The following VIPR2 variants were observed in gnomAD, a reference collection of about 807,000 sequenced individuals.
VIPR2 encodes the protein vasoactive intestinal peptide receptor 2.
VIPR2 carries 48 observed loss-of-function variants against 58.0 expected under a neutral mutation model. That is an observed-to-expected ratio of 0.83 (90% confidence interval 0.66 to 1.05). The LOEUF is 1.05. Ranked by LOEUF, VIPR2 falls within the 50% of genes least tolerant of loss-of-function variation. VIPR2 has a pLI of 0.00. For missense variants in VIPR2, 534 were observed against 558.0 expected (o/e 0.96, Z 0.43); for synonymous variants, 243 against 235.2 (o/e 1.03, Z -0.30).
rs1332386807 is a variant in VIPR2 at position 159,090,530 on chromosome 7, C to G, written c.357+13227G>C. Among the ~76,000 whole-genome samples the G allele has an allele frequency of 2.7e-4, 26 of 96,950 alleles. 1 individual carries two copies. Among genetic ancestry groups the G allele is most frequent in the Admixed American group, 1.9e-3 (20 of 10,402 alleles). 63.6% of individuals were successfully genotyped at this position (96,950 alleles called of 152,430 possible). On this transcript the variant is annotated intron_variant, in intron 4 of 12. Transcript: ENST00000262178. ...CGACCATTGCAATCCCCGGTGACCT[C>G]AGCACAGACACGCTGGGACCACGCA...
intron 4 of VIPR2, among the ~76,000 whole-genome samples, chr7:159,086,773 G>A (rs150538454): frequency 1.3e-5 from 2 of 152,310 alleles, no homozygotes; most frequent in East Asian, 1.9e-4. Context: ...TTCCCACCCC[G>A]TAGGATGGCA....
rs1796755224 is a variant in VIPR2, at chr7:159,128,840, C to T, written c.151+13606G>A. 1.3e-5 allele frequency among the ~76,000 whole-genome samples: 2 copies of T among 152,212 alleles called. No individual in the cohort carries two copies. The highest frequency in any genetic ancestry group is 2.4e-5 in the African/African-American group (1 of 41,450). ...GTTGGGCACGCTAACTGCTCTTCTC[C>T]CTCAACTGCTCCCTCCTTCCCTCCC... On this transcript the variant is annotated intron_variant, in intron 2 of 12. Transcript: ENST00000262178. This position sits in a 1 kb window ranked among gnomAD's most constrained non-coding sequence, Gnocchi z 4.1.
intron 2 of VIPR2, among the ~76,000 whole-genome samples, chr7:159,132,778 TGATTGGCATACAGACTGATTTC>T (rs1796984598): frequency 7.0e-6 from 1 of 142,610 alleles, no homozygotes; most frequent in African/African-American, 2.5e-5. Flanking sequence ...TCAGACAGAA[TGATTGGCATACAGACTGATTTC>T]AGACAGAATG....
intron 2 of VIPR2, among the ~76,000 whole-genome samples, chr7:159,112,920 C>T (rs1192550046): frequency 6.6e-6 from 1 of 151,598 alleles, no homozygotes; most frequent in East Asian, 2.0e-4. Flanking sequence ...AGGCTCATGG[C>T]GCCTTCCTGG....
intron 3 of VIPR2, 50 bp from the exon 4 acceptor site, chr7:159,103,904 C>T (rs1160358967): frequency 5.9e-6 from 9 of 1,519,548 alleles, no homozygotes; most frequent in Non-Finnish European, 8.2e-6. Flanking sequence ...GAAAACTGGC[C>T]TTAGAAGGGA....
Position 159,054,982 on chromosome 7 carries a change from C to G in VIPR2, c.455+3499G>C, listed in dbSNP as rs576023893. On this transcript the variant is annotated intron_variant, in intron 5 of 12. Transcript: ENST00000262178. ...AATGTGTGTACATATACACACATACCTAAAGTAACATGTGCATCTGTGCAT... is the reference window on the plus strand; with the variant it reads ...AATGTGTGTACATATACACACATACGTAAAGTAACATGTGCATCTGTGCAT... 1.2e-3 allele frequency among the ~76,000 whole-genome samples: 177 copies of G among 152,174 alleles called. 3 individuals are homozygous for G. The highest frequency in any genetic ancestry group is 0.011 in the Admixed American group (175 of 15,294).
intron 3 of VIPR2, among the ~76,000 whole-genome samples, chr7:159,104,166 T>G (rs1188883560): frequency 6.6e-6 from 1 of 152,212 alleles, no homozygotes. Context: ...TCTTAGGTTC[T>G]GCCACCATAA....
chr7:159,061,652 CA>C (rs35646553), intron 4 of VIPR2, among the ~76,000 whole-genome samples: 10 of 143,278 alleles, frequency 7.0e-5, no homozygotes, highest in African/African-American at 1.0e-4. Flanking sequence ...GGACCTGTCG[CA>C]AAAAAAAAAG....
chr7:159,066,425 C>T (rs1856097774), intron 4 of VIPR2, among the ~76,000 whole-genome samples: 1 of 152,056 alleles, frequency 6.6e-6, no homozygotes, highest in African/African-American at 2.4e-5. Flanking sequence ...TTCCAGGATG[C>T]CTGATCCTGC....
At chr7:159,101,359 G>A (rs1244942705) in intron 4 of VIPR2, among the ~76,000 whole-genome samples, 3 of 133,316 alleles carry the variant, frequency 2.3e-5, no homozygotes, top group South Asian at 2.7e-4. Context: ...GGTAGTGAAC[G>A]GGTCTCACGA....
At position 159,030,828 on chromosome 7, in the gene VIPR2, G is replaced by A. The variant is rs750158239; in HGVS notation, c.1144-39C>T. ...GCAGCGGGAACGCCCGTGAGCCTGGGCAGGTGCGGGCGGCTGCTATGGGAA... is the reference window on the plus strand; with the variant it reads ...GCAGCGGGAACGCCCGTGAGCCTGGACAGGTGCGGGCGGCTGCTATGGGAA... On this transcript the variant is annotated intron_variant, in intron 12 of 12. Coordinates refer to ENST00000262178, the MANE Select transcript of VIPR2 (RefSeq NM_003382.5). The A allele has an allele frequency of 2.7e-6, 4 of 1,483,864 alleles. No individual in the cohort carries two copies. In the Admixed American group the frequency reaches 6.7e-5, roughly 25 times the overall value. 91.9% of individuals were successfully genotyped at this position (1,483,864 alleles called of 1,614,324 possible).
rs1471891253 is a variant in VIPR2, at chr7:159,128,453, CT to C, written c.151+13992del. On this transcript the variant is annotated intron_variant, in intron 2 of 12. Coordinates refer to ENST00000262178, the MANE Select transcript of VIPR2 (RefSeq NM_003382.5). This position sits in a 1 kb window ranked among gnomAD's most constrained non-coding sequence, Gnocchi z 4.1. Reference sequence around the variant, plus strand: ...TGTGTGTAAAAACCTCTGGGCCCCCCTGGCCACTCCCCTCCTGCCTTGGGCC... The same window carrying C: ...TGTGTGTAAAAACCTCTGGGCCCCCCGGCCACTCCCCTCCTGCCTTGGGCC... 3.9e-5 allele frequency among the ~76,000 whole-genome samples: 6 copies of C among 152,304 alleles called. No homozygotes were observed. In the East Asian group the frequency reaches 5.8e-4, roughly 15 times the overall value.
intron 2 of VIPR2, chr7:159,117,117 G>T: frequency 6.9e-6 from 4 of 575,568 alleles, no homozygotes; most frequent in Non-Finnish European, 6.2e-6. Context: ...AGGAGACCAG[G>T]TTCACAGAGG....
rs910461660 is a variant in VIPR2 at position 159,076,332 on chromosome 7, G to A, written c.358-17754C>T. On this transcript the variant is annotated intron_variant, in intron 4 of 12. Coordinates refer to ENST00000262178, the MANE Select transcript of VIPR2 (RefSeq NM_003382.5). Reference sequence around the variant, plus strand: ...GCTTAGGGGTGCCCTTGAAGACAGAGGATCTTCATCTTTTCAGAGACAGTG... The same window carrying A: ...GCTTAGGGGTGCCCTTGAAGACAGAAGATCTTCATCTTTTCAGAGACAGTG... Among the ~76,000 whole-genome samples, 6 of 152,192 alleles carry A rather than the reference G, an allele frequency of 3.9e-5. No individual in the cohort carries two copies. In the South Asian group the frequency reaches 8.3e-4, roughly 21 times the overall value.
intron 3 of VIPR2, among the ~76,000 whole-genome samples, chr7:159,104,974 G>A (rs1411644163): frequency 4.6e-5 from 7 of 152,090 alleles, no homozygotes; most frequent in African/African-American, 1.7e-4. Context: ...TTGGCCACTG[G>A]TGTTGGAAGA....
chr7:159,103,898 A>G (rs765768649), intron 3 of VIPR2, 44 bp from the exon 4 acceptor site: 6 of 1,565,248 alleles, frequency 3.8e-6, no homozygotes, highest in Non-Finnish European at 5.3e-6. Flanking sequence ...GTCCATGAAA[A>G]CTGGCCTTAG....
intron 4 of VIPR2, among the ~76,000 whole-genome samples, chr7:159,080,401 T>C (rs1278073637): frequency 2.6e-5 from 4 of 152,284 alleles, no homozygotes; most frequent in African/African-American, 9.6e-5. Flanking sequence ...GAAAAGGCCT[T>C]TGACAAAATT....
intron 4 of VIPR2, among the ~76,000 whole-genome samples, chr7:159,066,051 T>C (rs930055937): frequency 6.6e-6 from 1 of 152,232 alleles, no homozygotes; most frequent in Admixed American, 6.5e-5. Flanking sequence ...GATTCCACGA[T>C]GCCTGCTCCG....
intron 2 of VIPR2, among the ~76,000 whole-genome samples, chr7:159,126,932 A>G (rs769069171): frequency 2.0e-5 from 3 of 152,212 alleles, no homozygotes; most frequent in Non-Finnish European, 4.4e-5. Context: ...CTTGCCAGAA[A>G]GGACAGCAAA....
Sources: gnomAD v4.1 joint callset for allele counts (sites outside exome capture counted in the v4.1 genomes callset) on GRCh38, gnomAD v4.1.1 for gene constraint, Gnocchi (gnomAD v3.1) non-coding constraint, MANE v1.5 for transcripts, NCBI Gene and HGNC (gene_info 2026-07-23, HGNC 2026-07-21) for gene names.